The following CADPS variants were observed in gnomAD, a reference collection of about 807,000 sequenced individuals.
CADPS encodes the protein calcium dependent secretion activator, also known as calcium-dependent secretion activator 1.
CADPS carries 57 observed loss-of-function variants against 167.3 expected under a neutral mutation model. The observed-to-expected ratio is 0.34, with a 90% CI of 0.28 to 0.42. CADPS has a LOEUF of 0.42. Among genes scored for constraint, CADPS ranks in the 20% least tolerant of loss-of-function variants. CADPS has a pLI of 1.00. For missense variants in CADPS, 1,414 were observed against 1,738.1 expected (o/e 0.81, Z 3.32); for synonymous variants, 676 against 635.3 (o/e 1.06, Z -0.96).
At chr3:62,593,543 G>T (rs1019844458) in intron 6 of CADPS, among the ~76,000 whole-genome samples, 2 of 152,170 alleles carry the variant, frequency 1.3e-5, no homozygotes, top group African/African-American at 4.8e-5. Flanking sequence ...TAACTGGATT[G>T]CACTGAGCCC....
At chr3:62,845,426 A>C (rs1457956302) in intron 1 of CADPS, among the ~76,000 whole-genome samples, 1 of 152,206 alleles carries the variant, frequency 6.6e-6, no homozygotes, top group East Asian at 1.9e-4. Flanking sequence ...TACCTCTAAA[A>C]AGGGGATAAT....
chr3:62,517,928 T>C (rs1041094355), intron 14 of CADPS, among the ~76,000 whole-genome samples: 1 of 152,174 alleles, frequency 6.6e-6, no homozygotes, highest in Non-Finnish European at 1.5e-5. Flanking sequence ...AGCTCAAACA[T>C]GGAAGAATTT....
chr3:62,633,280 A>T (rs1436630914), intron 6 of CADPS, among the ~76,000 whole-genome samples: 1 of 152,126 alleles, frequency 6.6e-6, no homozygotes, highest in African/African-American at 2.4e-5. Flanking sequence ...GTCTTACATG[A>T]TGACAGCCAC....
At chr3:62,556,997 ACACACACACACACACACAC>A (rs1044741986) in intron 10 of CADPS, among the ~76,000 whole-genome samples, 1 of 576 alleles carries the variant, frequency 1.7e-3, no homozygotes, top group African/African-American at 3.5e-3. Flanking sequence ...GAAAAACAAC[ACACACACACACACACACAC>A]ACACACACAC....
chr3:62,766,741 C>G (rs1162293163), intron 1 of CADPS, among the ~76,000 whole-genome samples: 7 of 152,112 alleles, frequency 4.6e-5, no homozygotes, highest in Non-Finnish European at 8.8e-5. Context: ...CTCATTCTTC[C>G]TCCTCACCCC....
intron 28 of CADPS, among the ~76,000 whole-genome samples, chr3:62,418,636 C>T (rs930460871): frequency 2.6e-5 from 4 of 151,662 alleles, no homozygotes; most frequent in African/African-American, 7.3e-5. Flanking sequence ...CCACCAAGCC[C>T]GGCTGATAAA....
At chr3:62,543,521 C>T (rs891823483) in intron 11 of CADPS, among the ~76,000 whole-genome samples, 6 of 152,012 alleles carry the variant, frequency 3.9e-5, no homozygotes, top group Admixed American at 2.0e-4. Context: ...TTTTAAAATG[C>T]CTCATCAGAC....
At chr3:62,549,285 T>C (rs2076958043) in intron 11 of CADPS, among the ~76,000 whole-genome samples, 1 of 152,186 alleles carries the variant, frequency 6.6e-6, no homozygotes, top group Admixed American at 6.5e-5. Flanking sequence ...AAAAGCCATT[T>C]TAGGTAGCAA....
rs745772521 is a variant in CADPS, at chr3:62,601,557, C to A, written c.1326-8809G>T. 3.9e-5 allele frequency among the ~76,000 whole-genome samples: 6 copies of A among 152,144 alleles called. No individual in the cohort carries two copies. Among genetic ancestry groups the A allele is most frequent in the African/African-American group, 1.2e-4 (5 of 41,418 alleles). On this transcript the variant is annotated intron_variant, in intron 6 of 29. Transcript: ENST00000383710. The surrounding 1 kb of genome is among the most constrained non-coding windows in gnomAD (Gnocchi z 4.3). ...AAAGACAGCTGACCCCATGGGGATC[C>A]AATTTGCTGCTCTAAATTCTTCATG...
intron 2 of CADPS, among the ~76,000 whole-genome samples, chr3:62,762,894 A>G (rs573911131): frequency 4.6e-5 from 7 of 152,106 alleles, no homozygotes; most frequent in Admixed American, 1.3e-4. Flanking sequence ...TTGCTGTTAC[A>G]CTATTTTTTA....
intron 1 of CADPS, among the ~76,000 whole-genome samples, chr3:62,847,409 C>A (rs1380882084): frequency 1.5e-5 from 1 of 67,640 alleles, no homozygotes; most frequent in African/African-American, 6.1e-5. Flanking sequence ...GGTATATCTC[C>A]CAATGCTATC....
chr3:62,616,256 T>C (rs924120300), intron 6 of CADPS, among the ~76,000 whole-genome samples: 2 of 152,230 alleles, frequency 1.3e-5, no homozygotes, highest in Admixed American at 6.5e-5. Context: ...AAATTTGACA[T>C]GTGTCCAACA....
chr3:62,702,778 T>C (rs1283558367), intron 3 of CADPS, among the ~76,000 whole-genome samples: 1 of 152,126 alleles, frequency 6.6e-6, no homozygotes, highest in Non-Finnish European at 1.5e-5. Flanking sequence ...AACTTGCATA[T>C]AATTTTAATT....
intron 1 of CADPS, among the ~76,000 whole-genome samples, chr3:62,776,145 A>G (rs1032041180): frequency 6.6e-6 from 1 of 152,184 alleles, no homozygotes; most frequent in African/African-American, 2.4e-5. Context: ...TAGTGAATCA[A>G]TGAATCTGCT....
Position 62,421,349 on chromosome 3 carries a change from C to T in CADPS, c.3777+16755G>A, listed in dbSNP as rs558230016. ...AGCTCTCAGTACTTGAGGCGCACAGCGAGCGCCTGAATGGGGCAAACCTCC... is the reference window on the plus strand; with the variant it reads ...AGCTCTCAGTACTTGAGGCGCACAGTGAGCGCCTGAATGGGGCAAACCTCC... On this transcript the variant is annotated intron_variant, in intron 28 of 29. Coordinates refer to ENST00000383710, the MANE Select transcript of CADPS (RefSeq NM_003716.4). This position sits in a 1 kb window ranked among gnomAD's most constrained non-coding sequence, Gnocchi z 4.7. Among the ~76,000 whole-genome samples, 13 of 152,030 alleles carry T rather than the reference C, an allele frequency of 8.6e-5. No individual in the cohort carries two copies. Among genetic ancestry groups the T allele is most frequent in the East Asian group, 3.9e-4 (2 of 5,174 alleles).
intron 26 of CADPS, among the ~76,000 whole-genome samples, chr3:62,459,009 A>C (rs975390989): frequency 1.3e-5 from 2 of 152,318 alleles, no homozygotes; most frequent in East Asian, 1.9e-4. Flanking sequence ...CATGGCATCA[A>C]CTGGAAATAA....
intron 18 of CADPS, 104 bp from the exon 19 acceptor site, chr3:62,493,769 A>AC (rs2064151337): frequency 5.3e-6 from 5 of 950,170 alleles, no homozygotes; most frequent in Non-Finnish European, 8.2e-6. Context: ...TTACAGTAAA[A>AC]CCTCACTGAT....
chr3:62,671,183 T>C (rs1206778055), intron 3 of CADPS, among the ~76,000 whole-genome samples: 1 of 152,210 alleles, frequency 6.6e-6, no homozygotes, highest in Non-Finnish European at 1.5e-5. Flanking sequence ...CTTAGCATCA[T>C]GTCCCAAATA....
chr3:62,407,153 T>C (rs1488414510), intron 28 of CADPS, among the ~76,000 whole-genome samples: 1 of 152,090 alleles, frequency 6.6e-6, no homozygotes, highest in Non-Finnish European at 1.5e-5. Context: ...ATCATCATCA[T>C]CATCATCATC....
Sources: allele counts gnomAD v4.1 joint callset (sites outside exome capture counted in the v4.1 genomes callset), GRCh38; gene constraint gnomAD v4.1.1; non-coding constraint Gnocchi (gnomAD v3.1); transcripts MANE v1.5; gene names NCBI Gene and HGNC (gene_info 2026-07-23, HGNC 2026-07-21).